GSG1L: variants seen among roughly 807,000 people sequenced by gnomAD.
GSG1L encodes GSG1 like.
GSG1L carries 24 observed loss-of-function variants against 42.1 expected under a neutral mutation model. That is an observed-to-expected ratio of 0.57 (90% CI 0.41 to 0.80). The LOEUF is 0.80. GSG1L is among the 30% of genes least tolerant of loss of function. The pLI is 0.00. For missense variants in GSG1L, 445 were observed against 472.2 expected (o/e 0.94, Z 0.53); for synonymous variants, 215 against 203.5 (o/e 1.06, Z -0.48).
chr16:27,803,787 ATAT>A (rs1567460383), intron 6 of GSG1L, among the ~76,000 whole-genome samples: 1 of 89,672 alleles, frequency 1.1e-5, no homozygotes, highest in East Asian at 3.5e-4. Context: ...ATATATATAT[ATAT>A]ATATAGATAG....
chr16:27,946,650 A>G (rs1323408963), intron 2 of GSG1L, among the ~76,000 whole-genome samples: 1 of 14,018 alleles, frequency 7.1e-5, no homozygotes, highest in Non-Finnish European at 1.3e-4. Flanking sequence ...AAAGAAAGAA[A>G]GAAAGAAAAG....
intron 4 of GSG1L, among the ~76,000 whole-genome samples, chr16:27,837,313 G>A (rs1490254048): frequency 6.6e-6 from 1 of 152,094 alleles, no homozygotes; most frequent in Non-Finnish European, 1.5e-5. Flanking sequence ...ACCTCCACCT[G>A]GTCTCTCCCT....
intron 6 of GSG1L, among the ~76,000 whole-genome samples, chr16:27,798,524 C>T (rs770498778): frequency 3.9e-5 from 6 of 152,062 alleles, no homozygotes; most frequent in African/African-American, 2.4e-5. Flanking sequence ...GGCAAGTGGA[C>T]GGGTATGGCC....
intron 2 of GSG1L, among the ~76,000 whole-genome samples, chr16:27,952,137 CA>C (rs1663515306): frequency 6.6e-6 from 1 of 152,206 alleles, no homozygotes; most frequent in South Asian, 2.1e-4. Context: ...TTTCTAAGCC[CA>C]AATGGGCCAC....
At chr16:28,036,579 C>G (rs367768910) in intron 1 of GSG1L, among the ~76,000 whole-genome samples, 5 of 152,160 alleles carry the variant, frequency 3.3e-5, no homozygotes, top group Non-Finnish European at 7.4e-5. Context: ...ATCACTCTGT[C>G]CCCCCCTTCA....
intron 1 of GSG1L, among the ~76,000 whole-genome samples, chr16:28,009,106 G>A (rs2085682953): frequency 6.6e-6 from 1 of 152,142 alleles, no homozygotes; most frequent in African/African-American, 2.4e-5. Context: ...ACGGTGCTTG[G>A]CCACATCAGT....
intron 5 of GSG1L, among the ~76,000 whole-genome samples, chr16:27,817,186 CA>C (rs926791974): frequency 1.1e-4 from 16 of 152,206 alleles, no homozygotes; most frequent in Admixed American, 2.6e-4. Flanking sequence ...AATGTGGCCA[CA>C]ATAGCCAGGG....
intron 1 of GSG1L, among the ~76,000 whole-genome samples, chr16:27,974,190 A>AG (rs1312436889): frequency 6.6e-6 from 1 of 152,138 alleles, no homozygotes; most frequent in Middle Eastern, 3.2e-3. Flanking sequence ...GCAGAAAGAA[A>AG]GGGGGGCCAT....
intron 1 of GSG1L, among the ~76,000 whole-genome samples, chr16:27,990,448 A>T (rs540641045): frequency 6.6e-6 from 1 of 152,292 alleles, no homozygotes; most frequent in Admixed American, 6.5e-5. Flanking sequence ...CAAGGTTTTG[A>T]CTAGAATGGT....
chr16:27,888,180 C>G, intron 2 of GSG1L: 2 of 964,696 alleles, frequency 2.1e-6, no homozygotes, highest in South Asian at 4.8e-5. Flanking sequence ...CCCCCACACC[C>G]CAGGGGGTGC....
intron 2 of GSG1L, among the ~76,000 whole-genome samples, chr16:27,915,446 GC>G (rs1206773032): frequency 1.3e-5 from 2 of 152,210 alleles, no homozygotes; most frequent in African/African-American, 4.8e-5. Flanking sequence ...AGGGCGCTGA[GC>G]AAGCAAAGCC....
intron 2 of GSG1L, chr16:27,888,165 C>T (rs1048524983): frequency 6.1e-6 from 6 of 984,212 alleles, no homozygotes; most frequent in African/African-American, 1.7e-5. Context: ...GCCTCCCCCA[C>T]GCAGCCCCCA....
chr16:27,809,580 A>G (rs1044942236), intron 5 of GSG1L, among the ~76,000 whole-genome samples: 1 of 44,156 alleles, frequency 2.3e-5, no homozygotes, highest in African/African-American at 8.5e-5. Context: ...CCGTCTGAGA[A>G]AAAAAAAAAA....
At chr16:28,046,239 CTG>C (rs2086156317) in intron 1 of GSG1L, among the ~76,000 whole-genome samples, 1 of 151,484 alleles carries the variant, frequency 6.6e-6, no homozygotes, top group African/African-American at 2.4e-5. Flanking sequence ...CCTGTGGAGT[CTG>C]TGCCCAGCCA....
At chr16:27,889,451 A>G (rs1378043217) in intron 2 of GSG1L, among the ~76,000 whole-genome samples, 1 of 152,192 alleles carries the variant, frequency 6.6e-6, no homozygotes, top group Non-Finnish European at 1.5e-5. Flanking sequence ...TGAGGTCTTT[A>G]TTATGAGCCA....
Position 27,999,838 on chromosome 16 carries a change from A to G in GSG1L, c.350-36635T>C, listed in dbSNP as rs12598956. Among the ~76,000 whole-genome samples the G allele has an allele frequency of 1.1e-3, 166 of 152,302 alleles. 2 individuals are homozygous for G. In the East Asian group the frequency reaches 0.03, roughly 27 times the overall value. On this transcript the variant is annotated intron_variant, in intron 1 of 6. Transcript: ENST00000447459. ...TGTAGCTGCACCACAGATGAGGGAG[A>G]GAAAGTAGAGGGAGGACACACAGTA... is the stretch of plus-strand genomic sequence containing the variant.
chr16:27,813,855 C>T (rs1474605662), intron 5 of GSG1L, among the ~76,000 whole-genome samples: 1 of 152,200 alleles, frequency 6.6e-6, no homozygotes, highest in Non-Finnish European at 1.5e-5. Context: ...CATGGTTGAG[C>T]TCAGCTCTGC....
chr16:27,950,928 G>A (rs1247390021), intron 2 of GSG1L, among the ~76,000 whole-genome samples: 1 of 152,140 alleles, frequency 6.6e-6, no homozygotes, highest in East Asian at 1.9e-4. Flanking sequence ...TCACACCGCA[G>A]CCCTCTGTCT....
intron 5 of GSG1L, among the ~76,000 whole-genome samples, chr16:27,814,476 A>G (rs1412334419): frequency 6.6e-6 from 1 of 152,176 alleles, no homozygotes; most frequent in Non-Finnish European, 1.5e-5. Flanking sequence ...TTGTAGCCTC[A>G]GGGTCTAGCA....
Sources: gnomAD v4.1 joint callset for allele counts (sites outside exome capture counted in the v4.1 genomes callset) on GRCh38, gnomAD v4.1.1 for gene constraint, MANE v1.5 for transcripts, NCBI Gene and HGNC (gene_info 2026-07-23, HGNC 2026-07-21) for gene names.